SLF1: variants seen among roughly 807,000 people sequenced by gnomAD.
SLF1 encodes SMC5-SMC6 complex localization factor protein 1.
A neutral mutation model predicts 123.0 loss-of-function variants in SLF1; 105 were observed. The observed-to-expected ratio is 0.85, with a 90% CI of 0.73 to 1.00. The LOEUF (loss-of-function observed/expected upper bound fraction) is 1.00. Among genes scored for constraint, SLF1 ranks in the 50% least tolerant of loss-of-function variants. SLF1 has a pLI of 0.00. For synonymous variants in SLF1, 434 were observed against 406.6 expected, an observed-to-expected ratio of 1.07 and a Z score of -0.81; for missense variants, 1,239 against 1,223.0, an observed-to-expected ratio of 1.01 and a Z score of -0.20.
intron 12 of SLF1, among the ~76,000 whole-genome samples, chr5:94,666,778 A>G (rs928506091): frequency 1.3e-5 from 2 of 152,088 alleles, no homozygotes; most frequent in African/African-American, 4.8e-5. Context: ...CTAGAGTTAC[A>G]GGCATGTGCC....
chr5:94,679,083 G>T, intron 15 of SLF1, 128 bp downstream of exon 15: 1 of 1,015,186 alleles, frequency 9.9e-7, no homozygotes, highest in Non-Finnish European at 1.4e-6. Flanking sequence ...ATGGATGCAC[G>T]CACACATAGA....
intron 1 of SLF1, among the ~76,000 whole-genome samples, chr5:94,627,949 C>G (rs2152465645): frequency 6.6e-6 from 1 of 151,996 alleles, no homozygotes; most frequent in African/African-American, 2.4e-5. Flanking sequence ...CCTGCCTCAG[C>G]CTCCCGAGTA....
At chr5:94,691,441 A>G (rs1753044189) in intron 18 of SLF1, 123 bp from the exon 19 acceptor site, 2 of 460,034 alleles carry the variant, frequency 4.3e-6, no homozygotes, top group Admixed American at 5.0e-5. Context: ...AAACCAGTCA[A>G]AAGAAGAACT....
At chr5:94,619,808 A>C (rs1248259080) in intron 1 of SLF1, among the ~76,000 whole-genome samples, 2 of 152,182 alleles carry the variant, frequency 1.3e-5, no homozygotes, top group African/African-American at 4.8e-5. Flanking sequence ...TTCAATACCT[A>C]AGTTGCTAGT....
At chr5:94,637,329 C>A (rs1390642) in intron 4 of SLF1, among the ~76,000 whole-genome samples, 33,791 of 151,902 alleles carry the variant, frequency 0.22, 3,878 homozygotes, top group East Asian at 0.34. Context: ...TGGGCTGCTA[C>A]CTTTGCATTG....
At chr5:94,647,379 G>A (rs1300193100) in intron 5 of SLF1, among the ~76,000 whole-genome samples, 3 of 152,126 alleles carry the variant, frequency 2.0e-5, no homozygotes, top group East Asian at 1.9e-4. Flanking sequence ...TGTGACAGAC[G>A]CTTTGGCTGA....
At chr5:94,694,584 T>C (rs1325330802) in intron 20 of SLF1, among the ~76,000 whole-genome samples, 2 of 151,874 alleles carry the variant, frequency 1.3e-5, no homozygotes, top group Non-Finnish European at 2.9e-5. Flanking sequence ...TTATTTGTAG[T>C]TGTATTTATT....
intron 6 of SLF1, among the ~76,000 whole-genome samples, chr5:94,650,599 CG>C (rs1448195537): frequency 6.6e-6 from 1 of 152,064 alleles, no homozygotes; most frequent in Non-Finnish European, 1.5e-5. Flanking sequence ...CTCCTGACCT[CG>C]TGATCCGCCC....
At chr5:94,688,958 A>G (rs536577908) in intron 17 of SLF1, among the ~76,000 whole-genome samples, 19 of 152,316 alleles carry the variant, frequency 1.2e-4, no homozygotes, top group East Asian at 3.9e-4. Flanking sequence ...CTACTTTGCC[A>G]TAATATAGAT....
At chr5:94,637,474 G>A (rs1203577080) in intron 4 of SLF1, among the ~76,000 whole-genome samples, 1 of 152,068 alleles carries the variant, frequency 6.6e-6, no homozygotes, top group Non-Finnish European at 1.5e-5. Flanking sequence ...TGTATTCCAT[G>A]GCTAGGTACT....
intron 15 of SLF1, among the ~76,000 whole-genome samples, chr5:94,682,150 A>G (rs547595128): frequency 6.6e-6 from 1 of 152,330 alleles, no homozygotes; most frequent in South Asian, 2.1e-4. Flanking sequence ...GTGATCAAAT[A>G]TATTAATAGA....
At chr5:94,656,452 T>C (rs1748391585) in intron 9 of SLF1, among the ~76,000 whole-genome samples, 1 of 152,076 alleles carries the variant, frequency 6.6e-6, no homozygotes, top group African/African-American at 2.4e-5. Context: ...TGTAGTTTTC[T>C]TTTTGTGTTG....
rs190485433 is a variant in SLF1 at position 94,650,139 on chromosome 5, G to A, written c.738+542G>A. Among the ~76,000 whole-genome samples, 11 of 152,232 alleles carry A rather than the reference G, an allele frequency of 7.2e-5. No individual in the cohort carries two copies. In the East Asian group the frequency reaches 2.1e-3, roughly 29 times the overall value. On this transcript the variant is annotated intron_variant, in intron 6 of 20. Transcript: ENST00000265140. Reference sequence around the variant, plus strand: ...AAATAGCAGTAGCAGCCACAAAAAGGACATTATTAGTTCTGCTCTAGAAGA... The same window carrying A: ...AAATAGCAGTAGCAGCCACAAAAAGAACATTATTAGTTCTGCTCTAGAAGA...
chr5:94,632,984 C>T (rs922258178), intron 4 of SLF1, among the ~76,000 whole-genome samples: 5 of 151,548 alleles, frequency 3.3e-5, no homozygotes, highest in African/African-American at 7.3e-5. Flanking sequence ...CCACCGCGCC[C>T]GACCTTTATT....
chr5:94,682,106 A>G (rs1751863582), intron 15 of SLF1, among the ~76,000 whole-genome samples: 1 of 152,236 alleles, frequency 6.6e-6, no homozygotes, highest in South Asian at 2.1e-4. Context: ...TTCAATAGTG[A>G]CAATTTAAAT....
chr5:94,689,443 G>A (rs1194448031), intron 17 of SLF1, 30 bp from the exon 18 acceptor site: 2 of 1,593,336 alleles, frequency 1.3e-6, no homozygotes, highest in East Asian at 2.2e-5. Flanking sequence ...TGAAAAACAA[G>A]CTTTCATTAT....
Position 94,661,729 on chromosome 5 carries a change from G to T in SLF1, c.1156-569G>T, listed in dbSNP as rs915048234. Among the ~76,000 whole-genome samples the T allele has an allele frequency of 2.6e-5, 4 of 152,110 alleles. No homozygotes were observed. The East Asian group carries it at 7.7e-4, about 29-fold the overall frequency. On this transcript the variant is annotated intron_variant, in intron 9 of 20. Coordinates refer to ENST00000265140, the MANE Select transcript of SLF1 (RefSeq NM_032290.4). The stretch of plus-strand genomic sequence containing the variant: ...TTTTTGTATATTTAATAGAGACGGG[G>T]TTTTGCCATGTTGGCCAGGCTGTTC...
intron 9 of SLF1, among the ~76,000 whole-genome samples, chr5:94,656,489 G>A (rs1381399682): frequency 6.6e-6 from 1 of 151,946 alleles, no homozygotes; most frequent in African/African-American, 2.4e-5. Context: ...TGGTATCAGG[G>A]TAATGGTGGC....
rs1299116138 is a variant in SLF1, at chr5:94,678,844, A to C, written c.1864A>C (p.Ile622Leu). 6.2e-7 allele frequency: 1 copy of C among 1,613,498 alleles called. No individual in the cohort carries two copies. The highest frequency in any genetic ancestry group is 8.5e-7 in the Non-Finnish European group (1 of 1,179,708). ...TGAACTAGCTTACTTATTGGCTGGAATTCTTGGAGCAGCAATAGATTATTG... is the reference window on the plus strand; with the variant it reads ...TGAACTAGCTTACTTATTGGCTGGACTTCTTGGAGCAGCAATAGATTATTG... ...KHELAYLLAG[I>L]LGAAIDYWIF... is the part of the protein sequence containing the mutation. The change falls in exon 15 of 21, where the codon ATT (isoleucine) becomes CTT (leucine). Residue 622 changes from isoleucine to leucine, a missense_variant. By Grantham distance (5) the Ile-to-Leu change is conservative (BLOSUM62 2). Coordinates refer to ENST00000265140, the MANE Select transcript of SLF1 (RefSeq NM_032290.4).
Sources: gnomAD v4.1 joint callset for allele counts (sites outside exome capture counted in the v4.1 genomes callset) on GRCh38, gnomAD v4.1.1 for gene constraint, MANE v1.5 for transcripts, NCBI Gene and HGNC (gene_info 2026-07-23, HGNC 2026-07-21) for gene names.